The following CAPN10 variants were observed in gnomAD, a reference collection of about 807,000 sequenced individuals.
CAPN10 encodes calpain 10, also known as calpain-10.
Under a neutral mutation model 78.4 loss-of-function variants are expected in CAPN10, and 71 were observed. That is an observed-to-expected ratio of 0.91 (90% CI 0.75 to 1.10). The LOEUF is 1.10. CAPN10 is among the 50% of genes least tolerant of loss of function. The probability of loss-of-function intolerance (pLI) is 0.00; values close to 1 mark genes in which losing one functional copy is unlikely to be tolerated. For synonymous variants in CAPN10, 437 were observed against 407.2 expected (o/e 1.07, Z -0.88); for missense variants, 849 against 924.6 (o/e 0.92, Z 1.06).
At position 240,597,993 on chromosome 2, in the gene CAPN10, C is replaced by T. The variant is rs149857900; in HGVS notation, c.1849C>T (p.Leu617Phe). The change falls in exon 10 of 12, where the codon CTC (leucine) becomes TTC (phenylalanine). Residue 617 changes from leucine to phenylalanine, a missense_variant. Leu to Phe is a conservative substitution (Grantham distance 22). Coordinates refer to ENST00000391984, the MANE Select transcript of CAPN10 (RefSeq NM_023083.4). ...RYAQEVSRLCLLPAGTYKVVP... is the reference protein window; with the variant it reads ...RYAQEVSRLCFLPAGTYKVVP... ...CGCCCAGGAGGTGAGCCGGCTCTGCCTCCTGCCTGCGGGCACCTACAAGGT... is the reference window on the plus strand; with the variant it reads ...CGCCCAGGAGGTGAGCCGGCTCTGCTTCCTGCCTGCGGGCACCTACAAGGT... The T allele has an allele frequency of 6.0e-5, 97 of 1,613,060 alleles. No homozygotes were observed. The highest frequency in any genetic ancestry group is 7.5e-5 in the Non-Finnish European group (88 of 1,179,972).
At chr2:240,598,158 C>G in intron 10 of CAPN10, 71 bp downstream of exon 10, 1 of 1,453,794 alleles carries the variant, frequency 6.9e-7, no homozygotes, top group South Asian at 1.2e-5. Flanking sequence ...CGCCTGTCCC[C>G]CCACGTCTCC....
intron 9 of CAPN10, among the ~76,000 whole-genome samples, chr2:240,597,418 C>G (rs1361680371): frequency 6.6e-6 from 1 of 152,198 alleles, no homozygotes; most frequent in Non-Finnish European, 1.5e-5. Context: ...TCCACTTACC[C>G]TGACTCAGAA....
At position 240,598,623 on chromosome 2, in the gene CAPN10, T is replaced by C. The variant is rs886692713; in HGVS notation, c.1990-28T>C. Reference sequence around the variant, plus strand: ...TGTGAGAAGGGGCGAGTGCCACCGCTGCCCGGGCCCCCCATCTGTCTTTGC... The same window carrying C: ...TGTGAGAAGGGGCGAGTGCCACCGCCGCCCGGGCCCCCCATCTGTCTTTGC... On this transcript the variant is annotated intron_variant, in intron 11 of 11. Coordinates refer to ENST00000391984, the MANE Select transcript of CAPN10 (RefSeq NM_023083.4). 2.5e-6 allele frequency: 4 copies of C among 1,569,320 alleles called. No homozygotes were observed. The African/African-American group carries it at 5.4e-5, about 21-fold the overall frequency.
At chr2:240,595,642 C>T (rs971739797) in intron 7 of CAPN10, among the ~76,000 whole-genome samples, 2 of 152,218 alleles carry the variant, frequency 1.3e-5, no homozygotes, top group Admixed American at 6.5e-5. Context: ...GTAGAGCCAG[C>T]GGCTGAGGAC....
intron 11 of CAPN10, 126 bp downstream of exon 11, chr2:240,598,523 G>A (rs2093151799): frequency 6.9e-7 from 1 of 1,449,192 alleles, no homozygotes; most frequent in Non-Finnish European, 9.6e-7. Flanking sequence ...CTTCCTGTGA[G>A]AGCCCCGGGC....
chr2:240,591,130 G>T lies in CAPN10; in HGVS notation c.470+119G>T, dbSNP rs531084497. The T allele has an allele frequency of 1.3e-5, 11 of 875,092 alleles. No homozygotes were observed. The Admixed American group carries it at 2.5e-4, about 20-fold the overall frequency. The allele number at this position is 875,092 out of a possible 1,614,324, so 54.2% of individuals were successfully genotyped here. ...CTGCAGAGCCCCCTTCAGTTCTGAG[G>T]GTCTGGCAGCTCATTCTGTGAGTCA... On this transcript the variant is annotated intron_variant, in intron 3 of 11. Coordinates refer to ENST00000391984, the MANE Select transcript of CAPN10 (RefSeq NM_023083.4).
At position 240,599,083 on chromosome 2, in the gene CAPN10, A is replaced by G. The variant is rs1463826763; in HGVS notation, c.*403A>G. ...TTTTAGGATGTAACTTTATAAATAA[A>G]CATGAGCGCTGATGATTTGCAGATC... is the stretch of plus-strand genomic sequence containing the variant. On this transcript the variant is annotated 3_prime_UTR_variant, in exon 12 of 12. Transcript: ENST00000391984. 1 of 229,260 alleles carries G rather than the reference A, an allele frequency of 4.4e-6. No homozygotes were observed. The highest frequency in any genetic ancestry group is 8.7e-6 in the Non-Finnish European group (1 of 115,522). The allele number at this position is 229,260 out of a possible 1,614,324, so 14.2% of individuals were successfully genotyped here. A position where few individuals can be genotyped will look rare whatever the true frequency, so the allele number is the denominator to read the frequency against.
At chr2:240,592,213 G>T in intron 4 of CAPN10, 63 bp downstream of exon 4, 1 of 1,352,114 alleles carries the variant, frequency 7.4e-7, no homozygotes, top group Non-Finnish European at 1.0e-6. Flanking sequence ...CAGGCCTCAG[G>T]CACACTGTAG....
At chr2:240,588,122 C>G (rs77502422) in intron 1 of CAPN10, among the ~76,000 whole-genome samples, 2,682 of 152,186 alleles carry the variant, frequency 0.018, 65 homozygotes, top group African/African-American at 0.06. Flanking sequence ...TTCTGGGTTT[C>G]TGGCCTGAAC....
chr2:240,595,888 G>C, intron 7 of CAPN10: 2 of 1,270,582 alleles, frequency 1.6e-6, no homozygotes, highest in Non-Finnish European at 2.1e-6. Flanking sequence ...AGGATATGCC[G>C]GCTGCTCGCT....
At chr2:240,598,588 C>T (rs1210170022) in intron 11 of CAPN10, 63 bp from the exon 12 acceptor site, 11 of 1,532,030 alleles carry the variant, frequency 7.2e-6, no homozygotes, top group African/African-American at 5.5e-5. Flanking sequence ...TGGCTGCACT[C>T]GGGGTGGGGT....
At chr2:240,589,518 T>C (rs745847820) in intron 2 of CAPN10, 44 bp downstream of exon 2, 1 of 1,567,932 alleles carries the variant, frequency 6.4e-7, no homozygotes, top group Non-Finnish European at 8.6e-7. Flanking sequence ...CCGGTTTCTT[T>C]TTGCGTTTCT....
intron 3 of CAPN10, chr2:240,591,302 A>C (rs1208188821): frequency 5.4e-6 from 2 of 373,226 alleles, no homozygotes; most frequent in East Asian, 9.5e-5. Flanking sequence ...CGGCCCCAGC[A>C]AGAAAGATGC....
rs1249560793 is a variant in CAPN10, at chr2:240,598,992, T to C, written c.*312T>C. 4.0e-6 allele frequency: 2 copies of C among 495,510 alleles called. No homozygotes were observed. The highest frequency in any genetic ancestry group is 3.0e-5 in the East Asian group (1 of 32,854). 30.7% of individuals were successfully genotyped at this position (495,510 alleles called of 1,614,324 possible). A position where few individuals can be genotyped will look rare whatever the true frequency, so the allele number is the denominator to read the frequency against. On this transcript the variant is annotated 3_prime_UTR_variant, in exon 12 of 12. Transcript: ENST00000391984. ...TCCCAGATCCTCTGCTGACTCCATA[T>C]GGAGGCCTCACACCCAGAGGGTAGG...
At position 240,593,917 on chromosome 2, in the gene CAPN10, C is replaced by T. The variant is rs759209364; in HGVS notation, c.700C>T (p.Leu234=). ...VLSPRAGARE[L]GEFHAFIVSD... Reference sequence around the variant, plus strand: ...CATTCCTCATGCAGGTGCCCGGGAGCTGGGGGAGTTCCATGCCTTCATTGT... The same window carrying T: ...CATTCCTCATGCAGGTGCCCGGGAGTTGGGGGAGTTCCATGCCTTCATTGT... The change falls in exon 5 of 12, where the codon CTG becomes TTG. Residue 234 remains leucine (L), a synonymous_variant. Coordinates refer to ENST00000391984, the MANE Select transcript of CAPN10 (RefSeq NM_023083.4). 1.0e-5 allele frequency: 16 copies of T among 1,600,524 alleles called. 1 individual carries two copies. In the South Asian group the frequency reaches 1.7e-4, roughly 17 times the overall value.
chr2:240,592,147 GCAGGTGAGGCACGTGGC>G lies in CAPN10; in HGVS notation c.688+1_688+17del, dbSNP rs775944062. The G allele has an allele frequency of 3.8e-6, 6 of 1,559,540 alleles. No homozygotes were observed. The highest frequency in any genetic ancestry group is 5.2e-6 in the Non-Finnish European group (6 of 1,151,894). On this transcript the variant is annotated splice_donor_variant and splice_donor_5th_base_variant and coding_sequence_variant and intron_variant, in exon 4 of 12. Coordinates refer to ENST00000391984, the MANE Select transcript of CAPN10 (RefSeq NM_023083.4). LOFTEE classifies it high-confidence loss of function. ...CAGCTGCTGCGTGCTCAGCCCCAGA[GCAGGTGAGGCACGTGGC>G]CAGCATGGGAGGGCTGCAGCCAGCG...
chr2:240,596,264 A>G, intron 7 of CAPN10, 55 bp from the exon 8 acceptor site: 1 of 1,543,252 alleles, frequency 6.5e-7, no homozygotes. Context: ...GGTCAAGGCC[A>G]GGGCGTCTGA....
rs948039711 is a variant in CAPN10 at position 240,589,343 on chromosome 2, G to A, written c.142G>A (p.Glu48Lys). The A allele has an allele frequency of 1.9e-6, 3 of 1,614,154 alleles. No individual in the cohort carries two copies. The highest frequency in any genetic ancestry group is 2.5e-6 in the Non-Finnish European group (3 of 1,180,024). ...CTCTGGACAACTTTCTGTATCTCAG[G>A]AGATTTGTGCCACACCCCGGCTGTT... ...REDITWRRPQ[E>K]ICATPRLFPD... is the part of the protein sequence containing the mutation. Residue 48 changes from glutamate (E) to lysine (K), a missense_variant and splice_region_variant, in exon 2 of 12, where the codon GAG becomes AAG. By Grantham distance (56) the Glu-to-Lys change is moderately conservative. Transcript: ENST00000391984.
chr2:240,594,062 C>A lies in CAPN10; in HGVS notation c.830+15C>A. On this transcript the variant is annotated intron_variant, in intron 5 of 11. Coordinates refer to ENST00000391984, the MANE Select transcript of CAPN10 (RefSeq NM_023083.4). ...TGGAGAGAGGGGTGAGTGCTGGGGCCTGGACCATGCTGCTGTCGGGAGGGG... is the reference window on the plus strand; with the variant it reads ...TGGAGAGAGGGGTGAGTGCTGGGGCATGGACCATGCTGCTGTCGGGAGGGG... The A allele has an allele frequency of 6.4e-7, 1 of 1,566,718 alleles. No individual in the cohort carries two copies.
Sources: gnomAD v4.1 joint callset for allele counts (sites outside exome capture counted in the v4.1 genomes callset) on GRCh38, gnomAD v4.1.1 for gene constraint, MANE v1.5 for transcripts, NCBI Gene and HGNC (gene_info 2026-07-23, HGNC 2026-07-21) for gene names.